PDK3: variants seen among roughly 807,000 people sequenced by gnomAD.
PDK3 encodes pyruvate dehydrogenase kinase, isozyme 3.
In PDK3, 12 loss-of-function variants were observed where a neutral mutation model predicts 32.0. The ratio of observed to expected loss-of-function variants is 0.37; its 90% CI spans 0.24 to 0.61. PDK3 has a LOEUF of 0.61. Among genes scored for constraint, PDK3 ranks in the 20% least tolerant of loss-of-function variants. The pLI, the probability that PDK3 is intolerant of heterozygous loss-of-function variation, is 0.65. For missense variants in PDK3, 188 were observed against 316.9 expected (o/e 0.59, Z 3.09); for synonymous variants, 122 against 116.3 (o/e 1.05, Z -0.31).
At chrX:24,473,958 T>G (rs1411168446) in intron 1 of PDK3, among the ~76,000 whole-genome samples, 1 of 112,243 alleles carries the variant, frequency 8.9e-6, no homozygotes, top group Non-Finnish European at 1.9e-5. Context: ...TGGACTATTA[T>G]GGCATAAAGA....
At chrX:24,491,088 G>A (rs749606814) in intron 1 of PDK3, among the ~76,000 whole-genome samples, 5 of 109,578 alleles carry the variant, frequency 4.6e-5, no homozygotes, top group Admixed American at 2.0e-4. Flanking sequence ...CGAGGTGGGC[G>A]GATCACCTGA....
Position 24,465,339 on chromosome X carries a change from C to T in PDK3, c.-117C>T, listed in dbSNP as rs868069137. The T allele has an allele frequency of 2.0e-4, 89 of 453,355 alleles. No individual in the cohort carries two copies. The Middle Eastern group carries it at 2.7e-3, about 14-fold the overall frequency. 37.4% of individuals were successfully genotyped at this position (453,355 alleles called of 1,213,427 possible). On this transcript the variant is annotated 5_prime_UTR_variant, in exon 1 of 11. Transcript: ENST00000379162. Reference sequence around the variant, plus strand: ...GGCGGCTGCACCGGCGGCGCCGAGGCCGAGATCGAGGCCGGGGTGCGCGCT... The same window carrying T: ...GGCGGCTGCACCGGCGGCGCCGAGGTCGAGATCGAGGCCGGGGTGCGCGCT...
At chrX:24,546,343 A>C (rs2148208541) in exon 12 of PDK3, 1 of 111,877 alleles carries the variant, frequency 8.9e-6, no homozygotes, top group African/African-American at 3.2e-5. Context: ...TTTGAATAGA[A>C]GTTTAAAGCA....
At chrX:24,541,994 T>C (rs1035453196) in exon 12 of PDK3, among the ~76,000 whole-genome samples, 2 of 112,326 alleles carry the variant, frequency 1.8e-5, no homozygotes, top group African/African-American at 3.2e-5. Context: ...ATAATATTCA[T>C]AAATAGTAGG....
At chrX:24,465,634 G>A in intron 1 of PDK3, 73 bp downstream of exon 1, 1 of 772,429 alleles carries the variant, frequency 1.3e-6, no homozygotes. Context: ...GATCTCCGCA[G>A]CTTCGGGGTA....
At position 24,495,003 on chromosome X, in the gene PDK3, A is replaced by T; in HGVS notation, c.248+120A>T. ...TCTAGGTAGGAATGAGTCATTTGGG[A>T]TAGCTGGGTTTTCCATGCAATTAAA... On this transcript the variant is annotated intron_variant, in intron 2 of 10. Transcript: ENST00000379162. 8.9e-6 allele frequency: 5 copies of T among 562,731 alleles called. No individual in the cohort carries two copies. The East Asian group carries it at 2.0e-4, about 22-fold the overall frequency. 46.4% of individuals were successfully genotyped at this position (562,731 alleles called of 1,213,427 possible).
chrX:24,520,379 G>A (rs1326417076), intron 6 of PDK3, among the ~76,000 whole-genome samples: 5 of 111,357 alleles, frequency 4.5e-5, no homozygotes, highest in Non-Finnish European at 7.5e-5. Context: ...TGCTTTAAAC[G>A]AATAACGTAT....
chrX:24,520,349 T>C lies in PDK3; in HGVS notation c.673+1339T>C, dbSNP rs751380247. Among the ~76,000 whole-genome samples, 3 of 112,157 alleles carry C rather than the reference T, an allele frequency of 2.7e-5. No homozygotes were observed. In the South Asian group the frequency reaches 1.1e-3, roughly 41 times the overall value. On this transcript the variant is annotated intron_variant, in intron 6 of 10. Coordinates refer to ENST00000379162, the MANE Select transcript of PDK3 (RefSeq NM_005391.5). Reference sequence around the variant, plus strand: ...GTGGTACACCCATTAGATAGAATACTATGCAGCCCTTTGAAATAATGCTTT... The same window carrying C: ...GTGGTACACCCATTAGATAGAATACCATGCAGCCCTTTGAAATAATGCTTT...
chrX:24,530,180 T>G (rs903534430), intron 9 of PDK3, among the ~76,000 whole-genome samples: 1 of 111,649 alleles, frequency 9.0e-6, no homozygotes, highest in Non-Finnish European at 1.9e-5. Context: ...CCTGAGTCAC[T>G]ACTATAAATA....
At chrX:24,480,907 G>A (rs1379668966) in intron 1 of PDK3, among the ~76,000 whole-genome samples, 2 of 111,912 alleles carry the variant, frequency 1.8e-5, no homozygotes, top group African/African-American at 3.2e-5. Context: ...CGCCCTTAAA[G>A]GTTTTTGAAA....
intron 1 of PDK3, among the ~76,000 whole-genome samples, chrX:24,482,255 G>A (rs150755071): frequency 9.0e-6 from 1 of 111,631 alleles, no homozygotes; most frequent in African/African-American, 3.3e-5. Context: ...CTGTCGTCCA[G>A]GCTGGAGTGC....
chrX:24,475,004 A>G (rs1039611921), intron 1 of PDK3, among the ~76,000 whole-genome samples: 1 of 111,698 alleles, frequency 9.0e-6, no homozygotes, highest in Non-Finnish European at 1.9e-5. Context: ...CCTTTCGCAA[A>G]GTCTTGGCTT....
intron 1 of PDK3, among the ~76,000 whole-genome samples, chrX:24,484,159 G>A (rs759104983): frequency 1.3e-4 from 14 of 110,498 alleles, no homozygotes; most frequent in Admixed American, 5.8e-4. Flanking sequence ...CTACAGGCAC[G>A]TGCCACCATA....
At chrX:24,547,034 G>C (rs749993532) in exon 12 of PDK3, 1 of 112,320 alleles carries the variant, frequency 8.9e-6, no homozygotes, top group African/African-American at 3.2e-5. Flanking sequence ...ATTGACTTCA[G>C]TTCTCTCCAT....
chrX:24,543,882 TTATC>T (rs1367340201), exon 12 of PDK3, among the ~76,000 whole-genome samples: 1 of 112,288 alleles, frequency 8.9e-6, no homozygotes, highest in Non-Finnish European at 1.9e-5. Flanking sequence ...TAGAGTGTAT[TTATC>T]TATCCTTTGC....
At chrX:24,496,771 C>CTTTTTT (rs376346872) in intron 2 of PDK3, among the ~76,000 whole-genome samples, 5 of 35,407 alleles carry the variant, frequency 1.4e-4, no homozygotes, top group Admixed American at 3.6e-4. Flanking sequence ...TCAAAATAAT[C>CTTTTTT]TTTTTTTTTT....
intron 1 of PDK3, among the ~76,000 whole-genome samples, chrX:24,479,872 A>C (rs1322174927): frequency 8.9e-6 from 1 of 112,005 alleles, no homozygotes; most frequent in Non-Finnish European, 1.9e-5. Context: ...GTACTTACCA[A>C]CTAAAACAGG....
intron 1 of PDK3, among the ~76,000 whole-genome samples, chrX:24,489,134 CT>C (rs1307746175): frequency 5.4e-5 from 6 of 111,534 alleles, no homozygotes; most frequent in Non-Finnish European, 1.1e-4. Context: ...TTGTTAGAAC[CT>C]TTTCATTTAA....
intron 9 of PDK3, among the ~76,000 whole-genome samples, chrX:24,529,285 T>A (rs1000747875): frequency 8.9e-6 from 1 of 112,150 alleles, no homozygotes; most frequent in African/African-American, 3.2e-5. Flanking sequence ...TAGGTTTTTT[T>A]TCTTATTGAA....
Sources: allele counts gnomAD v4.1 joint callset (sites outside exome capture counted in the v4.1 genomes callset), GRCh38; gene constraint gnomAD v4.1.1; transcripts MANE v1.5; gene names NCBI Gene and HGNC (gene_info 2026-07-23, HGNC 2026-07-21).